The following NCALD variants were observed in gnomAD, a reference collection of about 807,000 sequenced individuals.
NCALD encodes the protein neurocalcin-delta.
A neutral mutation model predicts 18.6 loss-of-function variants in NCALD; 10 were observed. The observed-to-expected ratio is 0.54, with a 90% confidence interval of 0.33 to 0.91. The LOEUF (loss-of-function observed/expected upper bound fraction) is 0.91. NCALD is among the 40% of genes least tolerant of loss of function. The pLI, the probability that NCALD is intolerant of heterozygous loss-of-function variation, is 0.03. For synonymous variants in NCALD, 88 were observed against 87.4 expected (o/e 1.01, Z -0.04); for missense variants, 184 against 247.6 (o/e 0.74, Z 1.72).
At chr8:101,789,160 AAAT>A (rs1812354161) in intron 1 of NCALD, 1 of 152,226 alleles carries the variant, frequency 6.6e-6, no homozygotes, top group Non-Finnish European at 1.5e-5. Context: ...TAAAAGAAGT[AAAT>A]GTCAAAGTGT....
At position 101,688,664 on chromosome 8, in the gene NCALD, T is replaced by C. The variant is rs1586201781; in HGVS notation, c.*645A>G. On this transcript the variant is annotated 3_prime_UTR_variant, in exon 4 of 4. Coordinates refer to ENST00000220931, the MANE Select transcript of NCALD (RefSeq NM_032041.3). ...TGTGTTTAATTTCCAAAGACACGCA[T>C]ATTAGCTCAACTAGTGTAAACCTGT... is the stretch of plus-strand genomic sequence containing the variant. The C allele has an allele frequency of 6.5e-6, 3 of 464,056 alleles. No individual in the cohort carries two copies. The highest frequency in any genetic ancestry group is 1.5e-5 in the South Asian group (1 of 64,644). The allele number at this position is 464,056 out of a possible 1,614,324, so 28.7% of individuals were successfully genotyped here. A position where few individuals can be genotyped will look rare whatever the true frequency, so the allele number is the denominator to read the frequency against.
At chr8:102,064,397 A>G (rs562582463) in intron 1 of NCALD, among the ~76,000 whole-genome samples, 78 of 152,330 alleles carry the variant, frequency 5.1e-4, no homozygotes, top group African/African-American at 1.7e-3. Context: ...TCCCTGAAAC[A>G]GGTGCCACCA....
chr8:101,862,595 T>G (rs1374184244), intron 4 of NCALD, among the ~76,000 whole-genome samples: 1 of 152,232 alleles, frequency 6.6e-6, no homozygotes, highest in African/African-American at 2.4e-5. Context: ...AGGCACTCAA[T>G]TTTAACTAAA....
At chr8:101,891,664 T>C (rs1342566217) in intron 3 of NCALD, among the ~76,000 whole-genome samples, 1 of 152,074 alleles carries the variant, frequency 6.6e-6, no homozygotes. Flanking sequence ...GTGCACCGAG[T>C]GCGAGCCGAA....
intron 1 of NCALD, among the ~76,000 whole-genome samples, chr8:101,755,742 A>C (rs982506858): frequency 4.6e-5 from 7 of 152,198 alleles, no homozygotes; most frequent in Admixed American, 6.5e-5. Context: ...ACATAAGATA[A>C]CACTCCTTTG....
rs944368423 is a variant in NCALD at position 101,906,596 on chromosome 8, G to C, written c.-107+9213C>G. Among the ~76,000 whole-genome samples, 5 of 152,210 alleles carry C rather than the reference G, an allele frequency of 3.3e-5. No homozygotes were observed. In the South Asian group the frequency reaches 1.0e-3, roughly 31 times the overall value. On this transcript the variant is annotated intron_variant, in intron 3 of 6. Transcript: ENST00000311028. ...CCCCAGCCTAAACCAAGTTTCTAATGAATGATTTACTTTGTGTTCCTTCCA... is the reference window on the plus strand; with the variant it reads ...CCCCAGCCTAAACCAAGTTTCTAATCAATGATTTACTTTGTGTTCCTTCCA...
chr8:101,762,731 G>A (rs1450763144), intron 1 of NCALD, among the ~76,000 whole-genome samples: 3 of 151,832 alleles, frequency 2.0e-5, no homozygotes, highest in Admixed American at 6.6e-5. Flanking sequence ...TTGCCACCAC[G>A]CCTGGCTAAT....
intron 2 of NCALD, among the ~76,000 whole-genome samples, chr8:102,002,492 T>C (rs955192426): frequency 3.9e-5 from 6 of 152,110 alleles, no homozygotes; most frequent in African/African-American, 1.4e-4. Flanking sequence ...AACAAGGATA[T>C]CCAGGAATTG....
chr8:101,991,176 A>G (rs1400144368), intron 2 of NCALD, among the ~76,000 whole-genome samples: 1 of 152,196 alleles, frequency 6.6e-6, no homozygotes, highest in Non-Finnish European at 1.5e-5. Flanking sequence ...CTATTTTTAT[A>G]TAAAAAATTC....
chr8:101,926,928 A>G (rs1471390137), intron 2 of NCALD, among the ~76,000 whole-genome samples: 2 of 152,204 alleles, frequency 1.3e-5, no homozygotes, highest in Non-Finnish European at 2.9e-5. Flanking sequence ...TATACCATAC[A>G]AAGAAATTAG....
intron 3 of NCALD, chr8:101,691,145 A>G (rs901429588): frequency 4.1e-6 from 4 of 985,294 alleles, no homozygotes; most frequent in Admixed American, 6.1e-5. Flanking sequence ...CCTGGGGTCC[A>G]GCAGCCAAGC....
chr8:101,800,399 G>T (rs557826948), intron 4 of NCALD, among the ~76,000 whole-genome samples: 1 of 151,652 alleles, frequency 6.6e-6, no homozygotes, highest in Non-Finnish European at 1.5e-5. Flanking sequence ...AGAACATACT[G>T]CTAATAAGCT....
At chr8:101,803,334 A>G (rs1315264229) in intron 4 of NCALD, among the ~76,000 whole-genome samples, 3 of 152,184 alleles carry the variant, frequency 2.0e-5, no homozygotes, top group Non-Finnish European at 2.9e-5. Flanking sequence ...TACTGCTCAG[A>G]AAAAAAGATC....
chr8:101,899,014 A>T (rs1817318012), intron 3 of NCALD, among the ~76,000 whole-genome samples: 1 of 152,070 alleles, frequency 6.6e-6, no homozygotes, highest in African/African-American at 2.4e-5. Flanking sequence ...CCAATCCACA[A>T]ACACAAATCC....
intron 2 of NCALD, among the ~76,000 whole-genome samples, chr8:101,962,052 T>C (rs1011463217): frequency 1.3e-5 from 2 of 152,048 alleles, no homozygotes; most frequent in African/African-American, 2.4e-5. Flanking sequence ...AAAACACTAT[T>C]AAAGCAAAGG....
intron 1 of NCALD, among the ~76,000 whole-genome samples, chr8:101,738,564 A>C (rs1208178134): frequency 6.6e-6 from 1 of 151,780 alleles, no homozygotes; most frequent in Non-Finnish European, 1.5e-5. Context: ...AAAAAAAAAA[A>C]AAAAAAAAGA....
intron 2 of NCALD, among the ~76,000 whole-genome samples, chr8:102,004,577 T>C (rs939338423): frequency 6.6e-6 from 1 of 152,052 alleles, no homozygotes; most frequent in Non-Finnish European, 1.5e-5. Context: ...GCCAAGTCAA[T>C]CCTAAGCCAA....
At chr8:102,017,172 A>G (rs73697419) in intron 2 of NCALD, among the ~76,000 whole-genome samples, 42 of 152,304 alleles carry the variant, frequency 2.8e-4, no homozygotes, top group African/African-American at 9.6e-4. Flanking sequence ...AACAGGGGAG[A>G]GAAAGATAGA....
chr8:101,804,702 TATAA>T (rs1010859532), intron 4 of NCALD, among the ~76,000 whole-genome samples: 2 of 144,914 alleles, frequency 1.4e-5, no homozygotes, highest in African/African-American at 5.0e-5. Context: ...CCTAATTATA[TATAA>T]ATAATTATAA....
Sources: gnomAD v4.1 joint callset for allele counts (sites outside exome capture counted in the v4.1 genomes callset) on GRCh38, gnomAD v4.1.1 for gene constraint, MANE v1.5 for transcripts, NCBI Gene and HGNC (gene_info 2026-07-23, HGNC 2026-07-21) for gene names.